SMPDL3A: variants seen among roughly 807,000 people sequenced by gnomAD.
The protein encoded by SMPDL3A is sphingomyelin phosphodiesterase acid like 3A.
Under a neutral mutation model 38.5 loss-of-function variants are expected in SMPDL3A, and 39 were observed. The observed-to-expected ratio is 1.01, with a 90% CI of 0.78 to 1.32. The LOEUF is 1.32. Ranked by LOEUF, SMPDL3A falls within the 40% of genes most tolerant of loss-of-function variation. The probability of loss-of-function intolerance (pLI) is 0.00; values close to 1 mark genes in which losing one functional copy is unlikely to be tolerated. For missense variants in SMPDL3A, 502 were observed against 536.2 expected, an observed-to-expected ratio of 0.94 and a Z score of 0.63; for synonymous variants, 180 against 194.3, an observed-to-expected ratio of 0.93 and a Z score of 0.61.
chr6:122,795,545 G>A, intron 1 of SMPDL3A, 132 bp from the exon 2 acceptor site: 1 of 667,800 alleles, frequency 1.5e-6, no homozygotes, highest in Non-Finnish European at 2.6e-6. Flanking sequence ...CGAGGCTTAT[G>A]AACATTTAAA....
intron 1 of SMPDL3A, among the ~76,000 whole-genome samples, chr6:122,791,430 A>T (rs189415680): frequency 6.6e-6 from 1 of 152,318 alleles, no homozygotes; most frequent in East Asian, 1.9e-4. Flanking sequence ...CTAACTTAAG[A>T]GTATGCACTG....
chr6:122,799,134 C>T (rs974403696), intron 3 of SMPDL3A, among the ~76,000 whole-genome samples: 1 of 152,154 alleles, frequency 6.6e-6, no homozygotes, highest in Non-Finnish European at 1.5e-5. Context: ...AGATGCATGT[C>T]CCCACCCATG....
rs1562344862 is a variant in SMPDL3A, at chr6:122,789,403, CG to C, written c.59del (p.Gly20AlafsTer18). ...CLLTAWHCRS[G>X]LGLPVAPAGG... is the part of the protein sequence containing the mutation. ...TGCTGACTGCCTGGCACTGCCGCTCCGGCCTCGGGCTGCCCGTGGCGCCCGC... is the reference window on the plus strand; with the variant it reads ...TGCTGACTGCCTGGCACTGCCGCTCCGCCTCGGGCTGCCCGTGGCGCCCGC... On this transcript the variant is annotated frameshift_variant, in exon 1 of 8. Transcript: ENST00000368440. LOFTEE classifies it high-confidence loss of function. The C allele has an allele frequency of 6.5e-7, 1 of 1,549,336 alleles. No homozygotes were observed. Among genetic ancestry groups the C allele is most frequent in the Admixed American group, 2.0e-5 (1 of 50,964 alleles).
intron 3 of SMPDL3A, among the ~76,000 whole-genome samples, chr6:122,798,766 G>C (rs1372306117): frequency 6.6e-6 from 1 of 152,106 alleles, no homozygotes; most frequent in African/African-American, 2.4e-5. Flanking sequence ...TGTCAAGTCA[G>C]ATCTTACAAT....
intron 7 of SMPDL3A, among the ~76,000 whole-genome samples, chr6:122,807,412 T>C (rs1781665692): frequency 6.6e-6 from 1 of 152,104 alleles, no homozygotes; most frequent in South Asian, 2.1e-4. Flanking sequence ...GGCAGGAGAA[T>C]GGCGTGAACC....
At chr6:122,791,858 TA>T (rs2115158424) in intron 1 of SMPDL3A, among the ~76,000 whole-genome samples, 1 of 152,238 alleles carries the variant, frequency 6.6e-6, no homozygotes, top group South Asian at 2.1e-4. Flanking sequence ...CATGCCTGGC[TA>T]ATTTTTTGTA....
At chr6:122,804,861 A>G (rs1172072506) in intron 5 of SMPDL3A, 48 bp from the exon 6 acceptor site, 1 of 1,502,942 alleles carries the variant, frequency 6.7e-7, no homozygotes, top group South Asian at 1.3e-5. Flanking sequence ...AGTTATGATG[A>G]ATGTGCAGAA....
Position 122,806,274 on chromosome 6 carries a change from C to A in SMPDL3A, c.961C>A (p.Pro321Thr). 2 of 1,613,016 alleles carry A rather than the reference C, an allele frequency of 1.2e-6. No individual in the cohort carries two copies. The highest frequency in any genetic ancestry group is 8.5e-7 in the Non-Finnish European group (1 of 1,179,270). Residue 321 changes from proline (P) to threonine (T), a missense_variant, in exon 7 of 8, where the codon CCA (proline) becomes ACA (threonine). Physicochemically the swap from Pro to Thr is conservative, Grantham distance 38 (BLOSUM62 -1). Transcript: ENST00000368440. Reference sequence around the variant, plus strand: ...TTTGTTTGTGGCTCCTGCTGTTACACCAGTGAAGAGTGTTTTAGAAAAACA... The same window carrying A: ...TTTGTTTGTGGCTCCTGCTGTTACAACAGTGAAGAGTGTTTTAGAAAAACA... ...NSLFVAPAVT[P>T]VKSVLEKQTN...
Position 122,805,097 on chromosome 6 carries a change from A to T in SMPDL3A, c.919+8A>T, listed in dbSNP as rs1377391624. 5 of 1,591,910 alleles carry T rather than the reference A, an allele frequency of 3.1e-6. No individual in the cohort carries two copies. The highest frequency in any genetic ancestry group is 4.3e-6 in the Non-Finnish European group (5 of 1,170,922). ...TTCTTTCAGATAAAAAAGGTAATGT[A>T]ATGCTGTGTTTGCATCTCCCCAGTC... On this transcript the variant is annotated splice_region_variant and intron_variant, in intron 6 of 7. Coordinates refer to ENST00000368440, the MANE Select transcript of SMPDL3A (RefSeq NM_006714.5).
chr6:122,802,171 TTAATC>T (rs1781446413), intron 4 of SMPDL3A, among the ~76,000 whole-genome samples: 1 of 151,642 alleles, frequency 6.6e-6, no homozygotes, highest in Non-Finnish European at 1.5e-5. Context: ...ATGGTTCTGA[TTAATC>T]TAGGGAACTA....
At position 122,795,872 on chromosome 6, in the gene SMPDL3A, C is replaced by T. The variant is rs369652367; in HGVS notation, c.308C>T (p.Ser103Phe). The T allele has an allele frequency of 6.6e-5, 107 of 1,610,608 alleles. No homozygotes were observed. Among genetic ancestry groups the T allele is most frequent in the Non-Finnish European group, 9.0e-5 (106 of 1,177,008 alleles). ...DFIKNSGQEASFMIWTGDSPP... is the reference protein window; with the variant it reads ...DFIKNSGQEAFFMIWTGDSPP... ...ATTAAAAATTCTGGACAAGAAGCATCTTTCATGATATGGACAGGGTAAGTG... is the reference window on the plus strand; with the variant it reads ...ATTAAAAATTCTGGACAAGAAGCATTTTTCATGATATGGACAGGGTAAGTG... The change falls in exon 2 of 8, where the codon TCT becomes TTT. Residue 103 changes from serine to phenylalanine, a missense_variant. By Grantham distance (155) the Ser-to-Phe change is radical. Coordinates refer to ENST00000368440, the MANE Select transcript of SMPDL3A (RefSeq NM_006714.5).
intron 2 of SMPDL3A, 144 bp from the exon 3 acceptor site, chr6:122,796,680 A>G: frequency 2.0e-6 from 1 of 495,304 alleles, no homozygotes; most frequent in Non-Finnish European, 3.5e-6. Flanking sequence ...GAGGTAAGTG[A>G]AGAGTAGTCT....
chr6:122,800,036 A>G (rs374086068), intron 3 of SMPDL3A, among the ~76,000 whole-genome samples: 24 of 147,400 alleles, frequency 1.6e-4, no homozygotes, highest in African/African-American at 5.8e-4. Context: ...TGGCACAATC[A>G]TAGATAAATG....
chr6:122,807,234 C>T (rs1391017570), intron 7 of SMPDL3A, among the ~76,000 whole-genome samples: 1 of 152,110 alleles, frequency 6.6e-6, no homozygotes, highest in Non-Finnish European at 1.5e-5. Context: ...AATGGTAGCT[C>T]ACGCCTGTAA....
Position 122,809,344 on chromosome 6 carries a change from T to C in SMPDL3A, c.1298T>C (p.Met433Thr), listed in dbSNP as rs1167158119. ...AAGGCCTTTCAGATTTGTGCAATTA[T>C]GAATCTTGATAATATTTCCTATGCA... ...TCKAFQICAI[M>T]NLDNISYADC... is the part of the protein sequence containing the mutation. The change falls in exon 8 of 8, where the codon ATG (methionine) becomes ACG (threonine). Residue 433 changes from methionine (M) to threonine (T), a missense_variant. Met to Thr is a moderately conservative substitution (Grantham distance 81, BLOSUM62 -1). Coordinates refer to ENST00000368440, the MANE Select transcript of SMPDL3A (RefSeq NM_006714.5). The C allele has an allele frequency of 2.5e-6, 4 of 1,614,054 alleles. No homozygotes were observed. Among genetic ancestry groups the C allele is most frequent in the East Asian group, 2.2e-5 (1 of 44,862 alleles).
At chr6:122,802,121 G>C (rs116257409) in intron 4 of SMPDL3A, among the ~76,000 whole-genome samples, 1 of 151,066 alleles carries the variant, frequency 6.6e-6, no homozygotes. Context: ...GCAAATCATA[G>C]TATATATGAA....
At chr6:122,806,610 G>A (rs954830605) in intron 7 of SMPDL3A, among the ~76,000 whole-genome samples, 2 of 152,048 alleles carry the variant, frequency 1.3e-5, no homozygotes, top group African/African-American at 4.8e-5. Context: ...GCTTTCATTG[G>A]TTAGTGCCAT....
chr6:122,791,810 C>T (rs1781086400), intron 1 of SMPDL3A, among the ~76,000 whole-genome samples: 1 of 152,170 alleles, frequency 6.6e-6, no homozygotes, highest in Non-Finnish European at 1.5e-5. Flanking sequence ...TCTCCTGCCT[C>T]AGCCTCCCGA....
rs1409497777 is a variant in SMPDL3A, at chr6:122,789,360, G to C, written c.14G>C (p.Arg5Pro). Reference protein sequence around the residue: MALVRALVCCLLTAW... With the variant: MALVPALVCCLLTAW... ...CCGCGGCCCTCCATGGCGCTGGTGCGCGCACTCGTCTGCTGCCTGCTGACT... is the reference window on the plus strand; with the variant it reads ...CCGCGGCCCTCCATGGCGCTGGTGCCCGCACTCGTCTGCTGCCTGCTGACT... The change falls in exon 1 of 8, where the codon CGC (arginine) becomes CCC (proline). Residue 5 changes from arginine to proline, a missense_variant. Arg to Pro is a moderately radical substitution (Grantham distance 103). Transcript: ENST00000368440. 2 of 1,546,564 alleles carry C rather than the reference G, an allele frequency of 1.3e-6. No homozygotes were observed. The highest frequency in any genetic ancestry group is 2.0e-5 in the Admixed American group (1 of 50,902).
Sources: allele counts gnomAD v4.1 joint callset (sites outside exome capture counted in the v4.1 genomes callset), GRCh38; gene constraint gnomAD v4.1.1; transcripts MANE v1.5; gene names NCBI Gene and HGNC (gene_info 2026-07-23, HGNC 2026-07-21).